CCND3: variants seen among roughly 807,000 people sequenced by gnomAD.
The protein encoded by CCND3 is cyclin D3, also known as G1/S-specific cyclin-D3.
In CCND3, 9 loss-of-function variants were observed where a neutral mutation model predicts 28.7. That is an observed-to-expected ratio of 0.31 (90% CI 0.19 to 0.55). The LOEUF is 0.55. Among genes scored for constraint, CCND3 ranks in the 20% least tolerant of loss-of-function variants. CCND3 has a pLI of 0.93. For missense variants in CCND3, 315 were observed against 385.8 expected, an observed-to-expected ratio of 0.82 and a Z score of 1.54; for synonymous variants, 164 against 163.9, an observed-to-expected ratio of 1.00 and a Z score of 0.00.
chr6:41,971,202 G>A (rs1205079071), intron 1 of CCND3, among the ~76,000 whole-genome samples: 1 of 152,194 alleles, frequency 6.6e-6, no homozygotes, highest in Non-Finnish European at 1.5e-5. Flanking sequence ...ACAGGCATGA[G>A]CCATCGCGCC....
At chr6:42,043,943 G>A (rs1764446593) in intron 1 of CCND3, among the ~76,000 whole-genome samples, 1 of 152,240 alleles carries the variant, frequency 6.6e-6, no homozygotes, top group Non-Finnish European at 1.5e-5. Flanking sequence ...GTTTCAGAGA[G>A]GTGGGGCTCC....
rs34822771 is a variant in CCND3, at chr6:42,034,468, C to CTTTTT, written c.-46+14028_-46+14032dup. ...ACCGTGCCTGGCCAACCCTGTCACT[C>CTTTTT]TTTTTTTTTTTTTTTTTTTTTTTTT... On this transcript the variant is annotated intron_variant, in intron 1 of 4. Transcript: ENST00000372988. Among the ~76,000 whole-genome samples the CTTTTT allele has an allele frequency of 1.8e-4, 9 of 50,978 alleles. 1 individual carries two copies. The highest frequency in any genetic ancestry group is 9.8e-4 in the South Asian group (1 of 1,020). 33.4% of individuals were successfully genotyped at this position (50,978 alleles called of 152,430 possible). A position where few individuals can be genotyped will look rare whatever the true frequency, so the allele number is the denominator to read the frequency against.
chr6:42,012,817 T>C (rs1763379362), intron 1 of CCND3, among the ~76,000 whole-genome samples: 1 of 152,184 alleles, frequency 6.6e-6, no homozygotes, highest in South Asian at 2.1e-4. Context: ...TATAAATTGA[T>C]CCAAGCTTCT....
At chr6:41,999,335 G>A (rs1225161558) in intron 1 of CCND3, among the ~76,000 whole-genome samples, 5 of 152,078 alleles carry the variant, frequency 3.3e-5, no homozygotes, top group South Asian at 2.1e-4. Flanking sequence ...TGCAACCTCC[G>A]CCTCCTGGGT....
chr6:42,001,807 A>T (rs1299664925), intron 1 of CCND3, among the ~76,000 whole-genome samples: 1 of 152,070 alleles, frequency 6.6e-6, no homozygotes, highest in Non-Finnish European at 1.5e-5. Flanking sequence ...ATGGATGTGA[A>T]TGTTTACATT....
intron 2 of CCND3, chr6:41,937,877 G>GA: frequency 1.2e-5 from 2 of 171,246 alleles, no homozygotes; most frequent in South Asian, 1.2e-4. Context: ...TCCCAGCCAA[G>GA]TCCACACTTC....
intron 1 of CCND3, among the ~76,000 whole-genome samples, chr6:41,988,422 A>G (rs1762548733): frequency 6.6e-6 from 1 of 152,096 alleles, no homozygotes. Context: ...CCATTTTTGA[A>G]TAGTTATTAC....
intron 1 of CCND3, among the ~76,000 whole-genome samples, chr6:41,987,499 CTCTCTCTCTCTCTCTCTCTGTG>C (rs1171717596): frequency 3.7e-4 from 31 of 84,316 alleles, no homozygotes; most frequent in Middle Eastern, 4.6e-3. Context: ...CTCTCTCTCT[CTCTCTCTCTCTCTCTCTCTGTG>C]TGTGTGTGTG....
chr6:42,009,631 A>AAAAC (rs1763281234), intron 1 of CCND3, among the ~76,000 whole-genome samples: 1 of 151,876 alleles, frequency 6.6e-6, no homozygotes, highest in African/African-American at 2.4e-5. Flanking sequence ...AAAACAAAAC[A>AAAAC]AAACAAAACA....
At chr6:42,028,464 C>T (rs980062136) in intron 1 of CCND3, among the ~76,000 whole-genome samples, 4 of 152,222 alleles carry the variant, frequency 2.6e-5, no homozygotes, top group Non-Finnish European at 5.9e-5. Context: ...TCGCCTCTGC[C>T]GGGTTGGACA....
chr6:42,017,084 G>A (rs774315238), intron 1 of CCND3, among the ~76,000 whole-genome samples: 12 of 152,208 alleles, frequency 7.9e-5, no homozygotes, highest in African/African-American at 1.4e-4. Flanking sequence ...GGCACGTCCT[G>A]GAAGTACAGA....
intron 1 of CCND3, among the ~76,000 whole-genome samples, chr6:41,964,492 G>GTA (rs1761825460): frequency 2.2e-5 from 3 of 133,766 alleles, no homozygotes. Context: ...GTGAATGTGT[G>GTA]TGTGTGAGTG....
intron 1 of CCND3, among the ~76,000 whole-genome samples, chr6:41,959,211 G>T (rs908230770): frequency 6.6e-6 from 1 of 152,158 alleles, no homozygotes; most frequent in African/African-American, 2.4e-5. Context: ...CTATTCGGGA[G>T]GCTGAGGCAG....
In CCND3 at chr6:42,007,941, G is replaced by A. The variant is rs114622370; in HGVS notation, c.-46+40560C>T. On this transcript the variant is annotated intron_variant, in intron 1 of 4. Coordinates refer to the CCND3 transcript ENST00000372988. Reference sequence around the variant, plus strand: ...TGACGGTGACAGGAAGAAATGAGCCGGCAGAGCAGCTGGCGGGGTGTGAAG... The same window carrying A: ...TGACGGTGACAGGAAGAAATGAGCCAGCAGAGCAGCTGGCGGGGTGTGAAG... Among the ~76,000 whole-genome samples the A allele has an allele frequency of 9.7e-3, 1,471 of 152,216 alleles. 24 individuals are homozygous for A. The highest frequency in any genetic ancestry group is 0.034 in the African/African-American group (1,393 of 41,512).
intron 1 of CCND3, among the ~76,000 whole-genome samples, chr6:41,975,599 A>G (rs1011102699): frequency 6.6e-6 from 1 of 152,084 alleles, no homozygotes; most frequent in African/African-American, 2.4e-5. Flanking sequence ...TCAGTGGGGA[A>G]TCCCAAGGGG....
chr6:41,952,811 A>AGAGTGT (rs1776345132), intron 1 of CCND3, among the ~76,000 whole-genome samples: 2 of 150,724 alleles, frequency 1.3e-5, no homozygotes, highest in Non-Finnish European at 1.5e-5. Flanking sequence ...AGTGAGTGTG[A>AGAGTGT]GTGTGTGTGT....
In CCND3 at chr6:41,936,966, CTG is replaced by C; in HGVS notation, c.574+267_574+268del. 3.4e-6 allele frequency: 2 copies of C among 594,682 alleles called. No individual in the cohort carries two copies. The highest frequency in any genetic ancestry group is 4.1e-5 in the South Asian group (2 of 49,074). The allele number at this position is 594,682 out of a possible 1,614,324, so 36.8% of individuals were successfully genotyped here. Reference sequence around the variant, plus strand: ...TGGGAACACAACTAGGGCCAAGAGACTGGGGTTCTGTTCCCAACCTGTTCACT... The same window carrying C: ...TGGGAACACAACTAGGGCCAAGAGACGGGTTCTGTTCCCAACCTGTTCACT... On this transcript the variant is annotated intron_variant, in intron 3 of 4. Coordinates refer to ENST00000372991, the MANE Select transcript of CCND3 (RefSeq NM_001760.5). This position sits in a 1 kb window ranked among gnomAD's most constrained non-coding sequence, Gnocchi z 4.4.
chr6:41,986,127 G>A (rs1043378854), intron 1 of CCND3, among the ~76,000 whole-genome samples: 3 of 152,036 alleles, frequency 2.0e-5, no homozygotes, highest in South Asian at 2.1e-4. Flanking sequence ...ATTCTGTTCC[G>A]TTGGTCTATA....
intron 1 of CCND3, among the ~76,000 whole-genome samples, chr6:42,010,475 C>T (rs1763310602): frequency 6.6e-6 from 1 of 152,130 alleles, no homozygotes; most frequent in Admixed American, 6.5e-5. Context: ...GTCCTCATTT[C>T]ACCCAGCTGC....
Sources: allele counts gnomAD v4.1 joint callset (sites outside exome capture counted in the v4.1 genomes callset), GRCh38; gene constraint gnomAD v4.1.1; non-coding constraint Gnocchi (gnomAD v3.1); transcripts MANE v1.5; gene names NCBI Gene and HGNC (gene_info 2026-07-23, HGNC 2026-07-21).